Variants in UBE2G1 observed in about 807,000 individuals in gnomAD.
The protein encoded by UBE2G1 is ubiquitin conjugating enzyme E2 G1.
UBE2G1 carries 5 observed loss-of-function variants against 22.7 expected under a neutral mutation model. That is an observed-to-expected ratio of 0.22 (90% confidence interval 0.12 to 0.46). The LOEUF (loss-of-function observed/expected upper bound fraction) is 0.46, where lower values mean the gene tolerates loss of function less well. Among genes scored for constraint, UBE2G1 ranks in the 20% least tolerant of loss-of-function variants. The pLI is 0.99. For missense variants in UBE2G1, 88 were observed against 203.9 expected, an observed-to-expected ratio of 0.43 and a Z score of 3.46; for synonymous variants, 74 against 67.5, an observed-to-expected ratio of 1.10 and a Z score of -0.47.
At chr17:4,301,846 G>A (rs897376904) in intron 2 of UBE2G1, 13 of 511,016 alleles carry the variant, frequency 2.5e-5, no homozygotes, top group Non-Finnish European at 4.2e-5. Flanking sequence ...TTGGAAGTAC[G>A]GTAAACATGA....
intron 3 of UBE2G1, among the ~76,000 whole-genome samples, chr17:4,290,048 A>G (rs1219629767): frequency 6.6e-6 from 1 of 152,202 alleles, no homozygotes; most frequent in East Asian, 1.9e-4. Flanking sequence ...TATTTTTAGG[A>G]GACATGTATT....
chr17:4,292,633 T>A lies in UBE2G1; in HGVS notation c.248-3225A>T, dbSNP rs117282181. On this transcript the variant is annotated intron_variant, in intron 3 of 5. Coordinates refer to ENST00000396981, the MANE Select transcript of UBE2G1 (RefSeq NM_003342.5). ...AACTAATACTGTGACAACACTTTGC[T>A]GGATACATTTTCCTCCCCTGGCATC... Among the ~76,000 whole-genome samples the A allele has an allele frequency of 2.1e-4, 32 of 152,352 alleles. No individual in the cohort carries two copies. In the East Asian group the frequency reaches 6.0e-3, roughly 28 times the overall value.
intron 5 of UBE2G1, among the ~76,000 whole-genome samples, chr17:4,280,149 C>T (rs1039024293): frequency 6.3e-5 from 9 of 141,932 alleles, no homozygotes; most frequent in African/African-American, 2.4e-4. Context: ...GATTCTCCTG[C>T]CTCAGCTTCC....
chr17:4,312,240 A>G (rs1969318434), intron 1 of UBE2G1, among the ~76,000 whole-genome samples: 1 of 151,946 alleles, frequency 6.6e-6, no homozygotes, highest in South Asian at 2.1e-4. Flanking sequence ...CTCAAAAAAA[A>G]GAAAGAAAAA....
intron 5 of UBE2G1, among the ~76,000 whole-genome samples, chr17:4,276,296 T>TC (rs1257267779): frequency 6.6e-6 from 1 of 151,970 alleles, no homozygotes; most frequent in Non-Finnish European, 1.5e-5. Flanking sequence ...TGCCTCAGCC[T>TC]CCCGAGTAGC....
chr17:4,334,560 T>A (rs982004303), intron 1 of UBE2G1, among the ~76,000 whole-genome samples: 1 of 152,038 alleles, frequency 6.6e-6, no homozygotes, highest in Admixed American at 6.6e-5. Flanking sequence ...TGTTTGTTTT[T>A]GAGAGGGAGT....
rs185982564 is a variant in UBE2G1 at position 4,279,141 on chromosome 17, G to A, written c.*37+3657C>T. Among the ~76,000 whole-genome samples, 178 of 152,154 alleles carry A rather than the reference G, an allele frequency of 1.2e-3. 2 individuals are homozygous for A. Among genetic ancestry groups the A allele is most frequent in the Non-Finnish European group, 9.9e-4 (67 of 68,004 alleles). ...AAATACAAAATAAGCCAGGAGTGGT[G>A]GCACACACCTGTAATCCCAGCTACT... On this transcript the variant is annotated intron_variant, in intron 5 of 5. Transcript: ENST00000396981.
At chr17:4,329,609 G>A (rs1008394987) in intron 1 of UBE2G1, among the ~76,000 whole-genome samples, 1 of 151,622 alleles carries the variant, frequency 6.6e-6, no homozygotes, top group African/African-American at 2.4e-5. Context: ...CTTCTTAGAA[G>A]ACACTATTTC....
intron 1 of UBE2G1, among the ~76,000 whole-genome samples, chr17:4,333,193 G>A (rs907037257): frequency 2.0e-5 from 3 of 152,222 alleles, no homozygotes; most frequent in East Asian, 1.9e-4. Context: ...TCAGACGCCA[G>A]ACCGTAAATT....
chr17:4,338,169 C>CA (rs768232182), intron 1 of UBE2G1, among the ~76,000 whole-genome samples: 9,549 of 86,786 alleles, frequency 0.11, 910 homozygotes, highest in African/African-American at 0.3. Context: ...GACTCCATCT[C>CA]AAAAAAAAAA....
intron 1 of UBE2G1, among the ~76,000 whole-genome samples, chr17:4,337,327 AAAAAAAG>A (rs1194813995): frequency 1.4e-5 from 2 of 141,952 alleles, no homozygotes; most frequent in Middle Eastern, 3.4e-3. Context: ...TGTAAAAAAA[AAAAAAAG>A]AAAAGAAAAG....
At chr17:4,311,741 G>A (rs756084851) in intron 1 of UBE2G1, among the ~76,000 whole-genome samples, 10 of 152,112 alleles carry the variant, frequency 6.6e-5, no homozygotes, top group Non-Finnish European at 1.3e-4. Context: ...GTGAATACAC[G>A]AAACACCACT....
chr17:4,296,257 T>A (rs1359958724), intron 3 of UBE2G1, among the ~76,000 whole-genome samples: 1 of 152,056 alleles, frequency 6.6e-6, no homozygotes, highest in African/African-American at 2.4e-5. Context: ...TTCCACATGA[T>A]CTCTGTTTCT....
At chr17:4,287,037 C>T (rs941228308) in intron 4 of UBE2G1, among the ~76,000 whole-genome samples, 1 of 151,444 alleles carries the variant, frequency 6.6e-6, no homozygotes, top group Non-Finnish European at 1.5e-5. Context: ...GGCATCAGAG[C>T]AAGACTCTGT....
At chr17:4,362,380 T>C (rs1389794685) in intron 1 of UBE2G1, among the ~76,000 whole-genome samples, 3 of 152,190 alleles carry the variant, frequency 2.0e-5, no homozygotes, top group Non-Finnish European at 4.4e-5. Context: ...ATGGAGACAT[T>C]TATGGTTGTC....
intron 1 of UBE2G1, among the ~76,000 whole-genome samples, chr17:4,347,574 G>T (rs541395638): frequency 2.1e-5 from 3 of 143,846 alleles, no homozygotes; most frequent in East Asian, 4.3e-4. Context: ...TCCTAGGTTT[G>T]AGAGATTCTC....
chr17:4,306,948 C>A, intron 2 of UBE2G1, 73 bp downstream of exon 2: 4 of 1,426,462 alleles, frequency 2.8e-6, no homozygotes, highest in Admixed American at 3.5e-5. Context: ...CCGTGCCCAG[C>A]CTGCCAAAAT....
chr17:4,358,621 A>G (rs1313725583), intron 1 of UBE2G1, among the ~76,000 whole-genome samples: 1 of 152,202 alleles, frequency 6.6e-6, no homozygotes, highest in Non-Finnish European at 1.5e-5. Flanking sequence ...CAGTTTACTA[A>G]TATTTCCTTT....
chr17:4,336,431 G>A (rs1969647061), intron 1 of UBE2G1, among the ~76,000 whole-genome samples: 1 of 152,080 alleles, frequency 6.6e-6, no homozygotes, highest in African/African-American at 2.4e-5. Context: ...AATATTAAAG[G>A]AGGCAGAAAA....
Sources: allele counts gnomAD v4.1 joint callset (sites outside exome capture counted in the v4.1 genomes callset), GRCh38; gene constraint gnomAD v4.1.1; transcripts MANE v1.5; gene names NCBI Gene and HGNC (gene_info 2026-07-23, HGNC 2026-07-21).